RAPGEF6: variants seen among roughly 807,000 people sequenced by gnomAD.
RAPGEF6 encodes the protein Rap guanine nucleotide exchange factor 6.
RAPGEF6 carries 56 observed loss-of-function variants against 171.4 expected under a neutral mutation model. The ratio of observed to expected loss-of-function variants is 0.33; its 90% CI spans 0.26 to 0.41. The LOEUF (loss-of-function observed/expected upper bound fraction) is 0.41. Among genes scored for constraint, RAPGEF6 ranks in the 10% least tolerant of loss-of-function variants. The probability of loss-of-function intolerance (pLI) is 1.00; values close to 1 mark genes in which losing one functional copy is unlikely to be tolerated. For synonymous variants in RAPGEF6, 692 were observed against 650.1 expected (o/e 1.06, Z -0.98); for missense variants, 1,674 against 1,921.4 (o/e 0.87, Z 2.41).
intron 6 of RAPGEF6, among the ~76,000 whole-genome samples, chr5:131,546,862 A>G (rs1554080981): frequency 6.6e-6 from 1 of 152,220 alleles, no homozygotes; most frequent in Non-Finnish European, 1.5e-5. Context: ...AGCTTTATCC[A>G]AGAATTGCAA....
At chr5:131,442,951 C>T (rs1224157505) in intron 22 of RAPGEF6, among the ~76,000 whole-genome samples, 1 of 146,694 alleles carries the variant, frequency 6.8e-6, no homozygotes, top group Non-Finnish European at 1.5e-5. Context: ...CAAAACCTGG[C>T]TTTTTTTTTT....
intron 6 of RAPGEF6, among the ~76,000 whole-genome samples, chr5:131,543,624 G>C (rs549951575): frequency 6.6e-6 from 1 of 152,250 alleles, no homozygotes; most frequent in South Asian, 2.1e-4. Context: ...GGCAAACCCG[G>C]TATTACAATA....
At position 131,461,848 on chromosome 5, in the gene RAPGEF6, T is replaced by G; in HGVS notation, c.2721A>C (p.Val907=). Residue 907 remains valine, a synonymous_variant, in exon 19 of 28, where the codon GTA becomes GTC. Coordinates refer to ENST00000509018, the MANE Select transcript of RAPGEF6 (RefSeq NM_016340.6). ...NTHLKRFEDI[V]NQETFWVASE... ...AGGCAACCCAGAATGTCTCTTGGTT[T>G]ACAATGTCCTCAAACCTCTTCAAAT... 1 of 1,614,112 alleles carries G rather than the reference T, an allele frequency of 6.2e-7. No individual in the cohort carries two copies. Among genetic ancestry groups the G allele is most frequent in the Non-Finnish European group, 8.5e-7 (1 of 1,179,946 alleles).
intron 6 of RAPGEF6, among the ~76,000 whole-genome samples, chr5:131,539,916 C>G (rs938940946): frequency 5.1e-4 from 78 of 152,136 alleles, no homozygotes; most frequent in Non-Finnish European, 3.7e-4. Flanking sequence ...CATCCTACCA[C>G]CCACTATACA....
rs1161695575 is a variant in RAPGEF6 at position 131,431,150 on chromosome 5, T to C, written c.4174A>G (p.Arg1392Gly). Reference sequence around the variant, plus strand: ...ATGGGGTCATCCAAATGGGTATGTCTGTAAGAGTTCAAAAAATCCCAGCTT... The same window carrying C: ...ATGGGGTCATCCAAATGGGTATGTCCGTAAGAGTTCAAAAAATCCCAGCTT... ...PKSWDFLNSY[R>G]HTHLDDPIAE... Residue 1392 changes from arginine (R) to glycine (G), a missense_variant, in exon 26 of 28, where the codon AGA becomes GGA. Physicochemically the swap from Arg to Gly is moderately radical, Grantham distance 125. This residue lies in a region of RAPGEF6 where 552 missense variants were observed against 574.2 expected (regional missense o/e 0.96). Coordinates refer to ENST00000509018, the MANE Select transcript of RAPGEF6 (RefSeq NM_016340.6). 6.2e-7 allele frequency: 1 copy of C among 1,614,208 alleles called. No individual in the cohort carries two copies. Among genetic ancestry groups the C allele is most frequent in the African/African-American group, 1.3e-5 (1 of 75,040 alleles).
At chr5:131,593,930 T>C (rs894379069) in intron 3 of RAPGEF6, among the ~76,000 whole-genome samples, 2 of 152,246 alleles carry the variant, frequency 1.3e-5, no homozygotes, top group African/African-American at 2.4e-5. Flanking sequence ...AGCCTGATAA[T>C]GTGGTAGAAA....
At chr5:131,507,100 C>G (rs1447821662) in intron 9 of RAPGEF6, among the ~76,000 whole-genome samples, 1 of 148,708 alleles carries the variant, frequency 6.7e-6, no homozygotes, top group African/African-American at 2.4e-5. Context: ...TAATAATTTA[C>G]TTAACCATCG....
chr5:131,564,314 G>C (rs1761791771), intron 4 of RAPGEF6, among the ~76,000 whole-genome samples: 1 of 152,180 alleles, frequency 6.6e-6, no homozygotes. Context: ...AGGTCCTCTT[G>C]AGTCTTTGAG....
intron 24 of RAPGEF6, among the ~76,000 whole-genome samples, chr5:131,435,085 G>A (rs1482812036): frequency 1.3e-5 from 2 of 152,108 alleles, no homozygotes; most frequent in African/African-American, 4.8e-5. Context: ...GTCTTTCTCT[G>A]TTTATGGATC....
At chr5:131,552,945 A>C (rs1761012282) in intron 5 of RAPGEF6, among the ~76,000 whole-genome samples, 1 of 152,182 alleles carries the variant, frequency 6.6e-6, no homozygotes, top group Non-Finnish European at 1.5e-5. Flanking sequence ...AATATACTGA[A>C]AGTATTAGAG....
chr5:131,484,228 T>C (rs977427655), intron 15 of RAPGEF6, among the ~76,000 whole-genome samples: 6 of 127,786 alleles, frequency 4.7e-5, no homozygotes, highest in Non-Finnish European at 8.5e-5. Context: ...GAGGCTTTTT[T>C]TTTTTTTTTT....
At position 131,446,531 on chromosome 5, in the gene RAPGEF6, C is replaced by T. The variant is rs1752703326; in HGVS notation, c.3373G>A (p.Glu1125Lys). 6.2e-7 allele frequency: 1 copy of T among 1,614,234 alleles called. No individual in the cohort carries two copies. The highest frequency in any genetic ancestry group is 2.2e-5 in the East Asian group (1 of 44,884). Residue 1125 changes from glutamate (E) to lysine (K), a missense_variant, in exon 22 of 28, where the codon GAG (glutamate) becomes AAG (lysine). Around this residue, in one of 3 missense-constraint regions of RAPGEF6, gnomAD observed 552 missense variants for 574.2 expected, o/e 0.96. Coordinates refer to ENST00000509018, the MANE Select transcript of RAPGEF6 (RefSeq NM_016340.6). The part of the protein sequence containing the change: ...LSSLDVETDE[E>K]KFQMMSLQWE... ...TGTAATGACATCATCTGGAACTTCT[C>T]CTCATCTGTCTCTACATCGAGACTG...
At chr5:131,507,868 C>A (rs551791595) in intron 9 of RAPGEF6, among the ~76,000 whole-genome samples, 2 of 151,908 alleles carry the variant, frequency 1.3e-5, no homozygotes, top group Admixed American at 6.6e-5. Flanking sequence ...GAGTCTACTG[C>A]GAATAAATTT....
At chr5:131,439,048 G>A (rs184022932) in intron 24 of RAPGEF6, among the ~76,000 whole-genome samples, 5 of 151,974 alleles carry the variant, frequency 3.3e-5, no homozygotes, top group African/African-American at 7.2e-5. Context: ...TCAGTCTCCC[G>A]GGTAGCTGGG....
rs11357225 is a variant in RAPGEF6 at position 131,606,364 on chromosome 5, GAA to G, written c.70-1673_70-1672del. Among the ~76,000 whole-genome samples, 1,066 of 113,166 alleles carry G rather than the reference GAA, an allele frequency of 9.4e-3. 4 individuals carry two copies. The highest frequency in any genetic ancestry group is 0.014 in the Non-Finnish European group (773 of 55,282). 74.2% of individuals were successfully genotyped at this position (113,166 alleles called of 152,430 possible). A position where few individuals can be genotyped will look rare whatever the true frequency, so the allele number is the denominator to read the frequency against. ...AGGCGATTGAGACTCCATCTCAAGGGAAAAAAAAAAAAAAAAAAGGCAATAAT... is the reference window on the plus strand; with the variant it reads ...AGGCGATTGAGACTCCATCTCAAGGGAAAAAAAAAAAAAAAAGGCAATAAT... On this transcript the variant is annotated intron_variant, in intron 1 of 27. Coordinates refer to ENST00000509018, the MANE Select transcript of RAPGEF6 (RefSeq NM_016340.6).
Position 131,446,826 on chromosome 5 carries a change from T to C in RAPGEF6, c.3201-123A>G, listed in dbSNP as rs904555813. On this transcript the variant is annotated intron_variant, in intron 21 of 27. Transcript: ENST00000509018. ...ATGCTGATGTAAATGAGTTAAAAGA[T>C]GAAGAGCATTAATGCAAAGTAATTT... 4.4e-6 allele frequency: 4 copies of C among 907,922 alleles called. No individual in the cohort carries two copies. In the Admixed American group the frequency reaches 1.1e-4, roughly 25 times the overall value. 56.2% of individuals were successfully genotyped at this position (907,922 alleles called of 1,614,324 possible). A position where few individuals can be genotyped will look rare whatever the true frequency, so the allele number is the denominator to read the frequency against.
At chr5:131,495,306 A>G (rs1219633195) in intron 13 of RAPGEF6, among the ~76,000 whole-genome samples, 5 of 59,954 alleles carry the variant, frequency 8.3e-5, no homozygotes, top group Non-Finnish European at 1.5e-4. Context: ...AAAAAAACAA[A>G]TAAATACAAT....
chr5:131,468,379 T>C (rs1278275101), intron 17 of RAPGEF6, among the ~76,000 whole-genome samples: 1 of 151,626 alleles, frequency 6.6e-6, no homozygotes, highest in African/African-American at 2.4e-5. Context: ...GGTTTGTATT[T>C]CATATGTAGA....
Position 131,604,725 on chromosome 5 carries a change from T to C in RAPGEF6, c.70-32A>G. On this transcript the variant is annotated intron_variant, in intron 1 of 27. Transcript: ENST00000509018. ...AACAGAAGAAAAAAATTAGATTATT[T>C]TTCAAATATGCTGTTTAAAATATAA... is the stretch of plus-strand genomic sequence containing the variant. The C allele has an allele frequency of 1.3e-6, 2 of 1,578,506 alleles. 1 individual carries two copies. Among genetic ancestry groups the C allele is most frequent in the South Asian group, 2.3e-5 (2 of 86,382 alleles).
Sources: gnomAD v4.1 joint callset for allele counts (sites outside exome capture counted in the v4.1 genomes callset) on GRCh38, gnomAD v4.1.1 for gene constraint, gnomAD v4.1.1 regional missense constraint, MANE v1.5 for transcripts, NCBI Gene and HGNC (gene_info 2026-07-23, HGNC 2026-07-21) for gene names.